The following RSPH14 variants were observed in gnomAD, a reference collection of about 807,000 sequenced individuals.
The protein encoded by RSPH14 is rhabdoid tumor deletion region gene 1.
In RSPH14, 20 loss-of-function variants were observed where a neutral mutation model predicts 26.7. The observed-to-expected ratio is 0.75, with a 90% CI of 0.53 to 1.09. RSPH14 has a LOEUF of 1.09. RSPH14 is among the 50% of genes least tolerant of loss of function. The probability of loss-of-function intolerance (pLI) is 0.00; values close to 1 mark genes in which losing one functional copy is unlikely to be tolerated. For missense variants in RSPH14, 449 were observed against 457.2 expected (o/e 0.98, Z 0.16); for synonymous variants, 177 against 189.3 (o/e 0.93, Z 0.53).
At chr22:23,119,568 C>A (rs1236636076) in intron 4 of RSPH14, among the ~76,000 whole-genome samples, 1 of 152,238 alleles carries the variant, frequency 6.6e-6, no homozygotes, top group Non-Finnish European at 1.5e-5. Context: ...GGCCCTCTGA[C>A]CTTCTTTATA....
intron 4 of RSPH14, among the ~76,000 whole-genome samples, chr22:23,090,403 C>T (rs1019539653): frequency 6.6e-6 from 1 of 152,164 alleles, no homozygotes; most frequent in South Asian, 2.1e-4. Context: ...GTGTTGCTCC[C>T]CTTTTATCAC....
intron 4 of RSPH14, among the ~76,000 whole-genome samples, chr22:23,104,536 G>C (rs2069403338): frequency 6.6e-6 from 1 of 152,194 alleles, no homozygotes; most frequent in African/African-American, 2.4e-5. Context: ...GCTCTGCTCA[G>C]TACACACACA....
At chr22:23,140,188 C>G in intron 2 of RSPH14, 34 bp downstream of exon 2, 1 of 1,609,574 alleles carries the variant, frequency 6.2e-7, no homozygotes, top group South Asian at 1.1e-5. Context: ...TGCTAGGACC[C>G]CAGTCATGGT....
the RSPH14 span, chr22:23,157,994 A>G: frequency 6.2e-7 from 1 of 1,614,110 alleles, no homozygotes; most frequent in African/African-American, 1.3e-5. Context: ...GTGTCTAGTG[A>G]TCATCACGGC....
At chr22:23,180,669 G>T in the RSPH14 span, 8 of 153,976 alleles carry the variant, frequency 5.2e-5, no homozygotes, top group Middle Eastern at 2.9e-3. Flanking sequence ...GTCTGGCGGC[G>T]GCCTGGCGGA....
the RSPH14 span, chr22:23,164,355 A>G: frequency 3.2e-3 from 481 of 152,312 alleles, 2 homozygotes; most frequent in East Asian, 6.9e-3. Flanking sequence ...ACCTCCTGCA[A>G]TGTGCCAGCT....
chr22:23,128,897 G>A (rs955991385), intron 4 of RSPH14, among the ~76,000 whole-genome samples: 27 of 152,220 alleles, frequency 1.8e-4, no homozygotes, highest in African/African-American at 6.5e-4. Context: ...GCCAGGTGCA[G>A]AGGGTGCCAT....
At chr22:23,102,506 G>A (rs1397562100) in intron 4 of RSPH14, among the ~76,000 whole-genome samples, 1 of 152,236 alleles carries the variant, frequency 6.6e-6, no homozygotes, top group African/African-American at 2.4e-5. Context: ...AGCCCGCCTT[G>A]TGCAGTGGCT....
chr22:23,149,459 TGGACAGC>T (rs2070980603), upstream of RSPH14, among the ~76,000 whole-genome samples: 1 of 152,118 alleles, frequency 6.6e-6, no homozygotes, highest in Admixed American at 6.6e-5. Flanking sequence ...CCAAGAAACG[TGGACAGC>T]AGAAAGCGCC....
chr22:23,162,001 TC>T, the RSPH14 span: 1 of 172,804 alleles, frequency 5.8e-6, no homozygotes, highest in East Asian at 1.7e-4. Flanking sequence ...GTCACAGTGT[TC>T]CAGGCAACCT....
intron 4 of RSPH14, among the ~76,000 whole-genome samples, chr22:23,133,262 C>T (rs1405690761): frequency 6.6e-6 from 1 of 152,214 alleles, no homozygotes; most frequent in African/African-American, 2.4e-5. Flanking sequence ...AAATACCATA[C>T]TCCAGCATAA....
the RSPH14 span, among the ~76,000 whole-genome samples, chr22:23,160,453 G>T: frequency 6.6e-6 from 1 of 152,202 alleles, no homozygotes; most frequent in Non-Finnish European, 1.5e-5. Flanking sequence ...TCCATGTGGG[G>T]GCTGACAGCA....
At chr22:23,063,135 G>T (rs2068127933) in intron 5 of RSPH14, among the ~76,000 whole-genome samples, 1 of 152,156 alleles carries the variant, frequency 6.6e-6, no homozygotes, top group Non-Finnish European at 1.5e-5. Context: ...GGGGACCTCT[G>T]AGCAGACCTA....
the RSPH14 span, among the ~76,000 whole-genome samples, chr22:23,164,702 C>T: frequency 6.6e-6 from 1 of 152,150 alleles, no homozygotes; most frequent in African/African-American, 2.4e-5. Flanking sequence ...CAAGTGCTGC[C>T]GAAACGCCTT....
At chr22:23,078,724 G>C (rs1481557641) in intron 4 of RSPH14, among the ~76,000 whole-genome samples, 1 of 152,252 alleles carries the variant, frequency 6.6e-6, no homozygotes, top group African/African-American at 2.4e-5. Context: ...AGAAGGCCAA[G>C]GGTGAGGGCC....
chr22:23,075,643 C>T (rs2146253889), intron 4 of RSPH14, among the ~76,000 whole-genome samples: 1 of 152,326 alleles, frequency 6.6e-6, no homozygotes, highest in East Asian at 1.9e-4. Flanking sequence ...TTAAAAGCCA[C>T]AGTGCAGGGA....
chr22:23,137,320 G>A (rs2070499485), intron 3 of RSPH14, among the ~76,000 whole-genome samples: 1 of 139,786 alleles, frequency 7.2e-6, no homozygotes, highest in African/African-American at 2.5e-5. Context: ...CCTCACCAGA[G>A]GCAAGCAAGA....
intron 4 of RSPH14, among the ~76,000 whole-genome samples, chr22:23,106,752 C>T (rs905072434): frequency 6.6e-6 from 1 of 152,252 alleles, no homozygotes; most frequent in Non-Finnish European, 1.5e-5. Context: ...AACCTCTAAG[C>T]CTCCCAGCCC....
chr22:23,087,184 G>C (rs1040305866), intron 4 of RSPH14, among the ~76,000 whole-genome samples: 4 of 152,236 alleles, frequency 2.6e-5, no homozygotes, highest in African/African-American at 7.2e-5. Flanking sequence ...AGAGATGATA[G>C]AATGAGCATG....
Sources: gnomAD v4.1 joint callset for allele counts (sites outside exome capture counted in the v4.1 genomes callset) on GRCh38, gnomAD v4.1.1 for gene constraint, MANE v1.5 for transcripts, NCBI Gene and HGNC (gene_info 2026-07-23, HGNC 2026-07-21) for gene names.